The following GPT variants were observed in gnomAD, a reference collection of about 807,000 sequenced individuals.
GPT encodes glutamic--pyruvic transaminase.
In GPT, 60 loss-of-function variants were observed where a neutral mutation model predicts 51.4. The observed-to-expected ratio is 1.17, with a 90% CI of 0.95 to 1.45. The LOEUF (loss-of-function observed/expected upper bound fraction) is 1.45, where lower values mean the gene tolerates loss of function less well. Among genes scored for constraint, GPT ranks in the 40% most tolerant of loss-of-function variants. The pLI is 0.00. For missense variants in GPT, 853 were observed against 704.0 expected (o/e 1.21, Z -2.40); for synonymous variants, 397 against 303.1 (o/e 1.31, Z -3.22).
rs775002591 is a variant in GPT at position 144,504,977 on chromosome 8, T to C, written c.362-21T>C. ...AGGAGAACTTCACCTGTACTTCCCA[T>C]CCTGTCCTGCCCGAGTCCAGGGGCC... On this transcript the variant is annotated intron_variant, in intron 3 of 10. Transcript: ENST00000394955. 27 of 1,612,804 alleles carry C rather than the reference T, an allele frequency of 1.7e-5. No homozygotes were observed. The Admixed American group carries it at 4.0e-4, about 24-fold the overall frequency.
rs750763247 is a variant in GPT at position 144,506,710 on chromosome 8, C to T, written c.1288-21C>T. Reference sequence around the variant, plus strand: ...GGCAGGGGGGGCCGGGCATCCCTCTCTGACGGCTCTCCGTCCACAGGAGCT... The same window carrying T: ...GGCAGGGGGGGCCGGGCATCCCTCTTTGACGGCTCTCCGTCCACAGGAGCT... On this transcript the variant is annotated intron_variant, in intron 9 of 10. Transcript: ENST00000394955. This position sits in a 1 kb window ranked among gnomAD's most constrained non-coding sequence, Gnocchi z 7.0. The T allele has an allele frequency of 6.5e-5, 105 of 1,608,088 alleles. No homozygotes were observed. The highest frequency in any genetic ancestry group is 7.7e-5 in the Non-Finnish European group (91 of 1,178,578).
chr8:144,506,973 T>C lies in GPT; in HGVS notation c.1464T>C (p.His488=). The C allele has an allele frequency of 6.2e-7, 1 of 1,612,768 alleles. No homozygotes were observed. Among genetic ancestry groups the C allele is most frequent in the Non-Finnish European group, 8.5e-7 (1 of 1,179,918 alleles). The change falls in exon 11 of 11, where the codon CAT becomes CAC. Residue 488 remains histidine, a synonymous_variant. Transcript: ENST00000394955. This position sits in a 1 kb window ranked among gnomAD's most constrained non-coding sequence, Gnocchi z 7.0. ...TGCTGGAGAAGCTGAGCAGGTTCCA[T>C]GCCAAGTTCACCCTCGAGTACTCCT... ...RLLLEKLSRF[H]AKFTLEYS
Position 144,506,615 on chromosome 8 carries a change from C to CCG in GPT, c.1251_1252dup (p.Val418AlafsTer52). The CCG allele has an allele frequency of 6.4e-7, 1 of 1,561,722 alleles. No individual in the cohort carries two copies. The highest frequency in any genetic ancestry group is 1.2e-5 in the South Asian group (1 of 85,342). ...AGTGCAGGGCGCCATGTACTCCTTC[C>CCG]CGCGCGTGCAGCTGCCCCCGCGGGC... On this transcript the variant is annotated frameshift_variant, in exon 9 of 11. Transcript: ENST00000394955. LOFTEE classifies it high-confidence loss of function. This position sits in a 1 kb window ranked among gnomAD's most constrained non-coding sequence, Gnocchi z 7.0.
rs1298389237 is a variant in GPT at position 144,505,251 on chromosome 8, G to A, written c.501G>A (p.Val167=). The change falls in exon 5 of 11, where the codon GTG becomes GTA. Residue 167 remains valine (V), a synonymous_variant. Transcript: ENST00000394955. ...STGASDAIVT[V]LKLLVAGEGH... ...CTTCCCCTTCCTTTCCGCAGACGGT[G>A]CTGAAGCTGCTGGTGGCCGGCGAGG... The A allele has an allele frequency of 2.5e-6, 4 of 1,604,256 alleles. No homozygotes were observed. Among genetic ancestry groups the A allele is most frequent in the South Asian group, 1.1e-5 (1 of 90,080 alleles).
Position 144,506,256 on chromosome 8 carries a change from G to T in GPT, c.981G>T (p.Val327=), listed in dbSNP as rs769846176. 1.6e-5 allele frequency: 25 copies of T among 1,606,846 alleles called. No homozygotes were observed. Among genetic ancestry groups the T allele is most frequent in the Non-Finnish European group, 2.0e-5 (23 of 1,179,024 alleles). ...MGECGFRGGY[V]EVVNMDAAVQ... is the part of the protein sequence containing the mutation. ...GGTGCGGGTTCCGCGGCGGCTATGT[G>T]GAGGTGGTGAACATGGACGCTGCAG... is the stretch of plus-strand genomic sequence containing the variant. The change falls in exon 8 of 11, where the codon GTG becomes GTT. Residue 327 remains valine, a synonymous_variant. Transcript: ENST00000394955. This position sits in a 1 kb window ranked among gnomAD's most constrained non-coding sequence, Gnocchi z 7.0.
Position 144,504,381 on chromosome 8 carries a change from T to C in GPT, c.77T>C (p.Met26Thr). ...LRAKVLTLDG[M>T]NPRVRRVEYA... ...GCGAAGGTGCTGACGCTGGACGGCA[T>C]GAACCCGCGTGTGCGGAGAGTGGAG... Residue 26 changes from methionine (M) to threonine (T), a missense_variant, in exon 1 of 11, where the codon ATG (methionine) becomes ACG (threonine). Coordinates refer to ENST00000394955, the MANE Select transcript of GPT (RefSeq NM_005309.3). 6.2e-7 allele frequency: 1 copy of C among 1,611,748 alleles called. No individual in the cohort carries two copies. The highest frequency in any genetic ancestry group is 8.5e-7 in the Non-Finnish European group (1 of 1,179,932).
chr8:144,505,214 C>T (rs769036858), intron 4 of GPT, 32 bp from the exon 5 acceptor site: 10 of 1,611,688 alleles, frequency 6.2e-6, no homozygotes, highest in South Asian at 1.1e-5. Flanking sequence ...CCCCAGGCCT[C>T]GCCAACCCTG....
chr8:144,503,462 T>C (rs1052541322), upstream of GPT, among the ~76,000 whole-genome samples: 1 of 152,060 alleles, frequency 6.6e-6, no homozygotes, highest in Non-Finnish European at 1.5e-5. Flanking sequence ...CCCCAGCTGG[T>C]GCCTGGTGAA....
upstream of GPT, chr8:144,503,200 G>C (rs1463924920): frequency 6.6e-6 from 1 of 152,214 alleles, no homozygotes; most frequent in Non-Finnish European, 1.5e-5. Flanking sequence ...GAGGAGCCAA[G>C]GTCCGACTTG....
Position 144,505,929 on chromosome 8 carries a change from T to A in GPT, c.819+2T>A. 1 of 1,608,648 alleles carries A rather than the reference T, an allele frequency of 6.2e-7. No homozygotes were observed. Among genetic ancestry groups the A allele is most frequent in the Non-Finnish European group, 8.5e-7 (1 of 1,178,356 alleles). ...CGGCTCTTTCTGCTGGCGGACGAGG[T>A]GCGCGGCGCGGGGGAGCGGGAAGCC... is the stretch of plus-strand genomic sequence containing the variant. On this transcript the variant is annotated splice_donor_variant, in intron 6 of 10. Coordinates refer to ENST00000394955, the MANE Select transcript of GPT (RefSeq NM_005309.3). LOFTEE classifies it high-confidence loss of function.
At position 144,507,091 on chromosome 8, in the gene GPT, CCTGG is replaced by C; in HGVS notation, c.*93_*96del. 2 of 404,646 alleles carry C rather than the reference CCTGG, an allele frequency of 4.9e-6. No homozygotes were observed. The highest frequency in any genetic ancestry group is 1.0e-5 in the Non-Finnish European group (2 of 199,170). 25.1% of individuals were successfully genotyped at this position (404,646 alleles called of 1,614,324 possible). ...GAGCCCACTGTACTTGCTCTTGATG[CCTGG>C]CGGGGTGGGGTGGGGGGGGTGCTGG... is the stretch of plus-strand genomic sequence containing the variant. On this transcript the variant is annotated 3_prime_UTR_variant, in exon 11 of 11. Coordinates refer to ENST00000394955, the MANE Select transcript of GPT (RefSeq NM_005309.3).
chr8:144,503,359 T>G (rs115678773), upstream of GPT, among the ~76,000 whole-genome samples: 501 of 152,268 alleles, frequency 3.3e-3, 4 homozygotes, highest in African/African-American at 0.012. Flanking sequence ...TGACGGCCTA[T>G]CCCAGCTCGT....
In GPT at chr8:144,505,351, G is replaced by A. The variant is rs879595120; in HGVS notation, c.601G>A (p.Ala201Thr). ...LYSATLAELG[A>T]VQVDYYLDEE... ...CTCGGCCACGCTGGCAGAGCTGGGC[G>A]CAGTGCAGGTGGATTACTACCTGGA... The change falls in exon 5 of 11, where the codon GCA becomes ACA. Residue 201 changes from alanine to threonine, a missense_variant. Physicochemically the swap from Ala to Thr is moderately conservative, Grantham distance 58. Transcript: ENST00000394955. The A allele has an allele frequency of 4.8e-5, 75 of 1,576,354 alleles. No homozygotes were observed. Among genetic ancestry groups the A allele is most frequent in the Non-Finnish European group, 6.4e-5 (74 of 1,161,720 alleles).
At chr8:144,503,169 T>A (rs1280745092), upstream of GPT, 1 of 152,234 alleles carries the variant, frequency 6.6e-6, no homozygotes, top group African/African-American at 2.4e-5. Context: ...CCGATGGCTT[T>A]TCTCCCAGCC....
In GPT at chr8:144,505,429, C is replaced by G. The variant is rs769944889; in HGVS notation, c.679C>G (p.Gln227Glu). The part of the protein sequence containing the change: ...DVAELHRALG[Q>E]ARDHCRPRAL... ...GGCCGAGCTTCACCGTGCACTGGGC[C>G]AGGCGCGTGACCACTGCCGCCCTCG... The change falls in exon 5 of 11, where the codon CAG becomes GAG. Residue 227 changes from glutamine to glutamate, a missense_variant. Coordinates refer to ENST00000394955, the MANE Select transcript of GPT (RefSeq NM_005309.3). 4 of 1,600,258 alleles carry G rather than the reference C, an allele frequency of 2.5e-6. No individual in the cohort carries two copies. In the South Asian group the frequency reaches 3.4e-5, roughly 14 times the overall value.
chr8:144,506,670 G>A lies in GPT; in HGVS notation c.1287+14G>A, dbSNP rs530290663. ...GAGCGCGCTCAGGTCAGGCGGGGGCGGGGCCTGCGGGGTGGGCAGGGGGGG... is the reference window on the plus strand; with the variant it reads ...GAGCGCGCTCAGGTCAGGCGGGGGCAGGGCCTGCGGGGTGGGCAGGGGGGG... On this transcript the variant is annotated intron_variant, in intron 9 of 10. Coordinates refer to ENST00000394955, the MANE Select transcript of GPT (RefSeq NM_005309.3). This position sits in a 1 kb window ranked among gnomAD's most constrained non-coding sequence, Gnocchi z 7.0. 6.4e-4 allele frequency: 996 copies of A among 1,565,446 alleles called. 25 individuals are homozygous for A. The South Asian group carries it at 0.011, about 17-fold the overall frequency.
At position 144,505,322 on chromosome 8, in the gene GPT, T is replaced by A; in HGVS notation, c.572T>A (p.Leu191His). 1 of 1,569,158 alleles carries A rather than the reference T, an allele frequency of 6.4e-7. No individual in the cohort carries two copies. Residue 191 changes from leucine to histidine, a missense_variant, in exon 5 of 11, where the codon CTC becomes CAC. Leu to His is a moderately conservative substitution (Grantham distance 99). Transcript: ENST00000394955. ...CTCATCCCCATCCCCCAGTACCCAC[T>A]CTACTCGGCCACGCTGGCAGAGCTG... The part of the protein sequence containing the change: ...GVLIPIPQYP[L>H]YSATLAELGA...
In GPT at chr8:144,506,175, G is replaced by A; in HGVS notation, c.956+44G>A. On this transcript the variant is annotated intron_variant, in intron 7 of 10. Coordinates refer to ENST00000394955, the MANE Select transcript of GPT (RefSeq NM_005309.3). The surrounding 1 kb of genome is among the most constrained non-coding windows in gnomAD (Gnocchi z 7.0). ...GGTGGGGGCTCGCGGGCCATGGCCA[G>A]GCCCTCCTCGCCCGATGGGCCACCC... 6.2e-7 allele frequency: 1 copy of A among 1,603,160 alleles called. No individual in the cohort carries two copies.
rs372169605 is a variant in GPT, at chr8:144,504,983, C to T, written c.362-15C>T. ...ACTTCACCTGTACTTCCCATCCTGT[C>T]CTGCCCGAGTCCAGGGGCCTACAGC... On this transcript the variant is annotated splice_polypyrimidine_tract_variant and intron_variant, in intron 3 of 10. Transcript: ENST00000394955. 5.6e-6 allele frequency: 9 copies of T among 1,612,934 alleles called. No individual in the cohort carries two copies. Among genetic ancestry groups the T allele is most frequent in the Non-Finnish European group, 7.6e-6 (9 of 1,179,998 alleles).
Sources: allele counts gnomAD v4.1 joint callset (sites outside exome capture counted in the v4.1 genomes callset), GRCh38; gene constraint gnomAD v4.1.1; non-coding constraint Gnocchi (gnomAD v3.1); transcripts MANE v1.5; gene names NCBI Gene and HGNC (gene_info 2026-07-23, HGNC 2026-07-21).